The following CAST variants were observed in gnomAD, a reference collection of about 807,000 sequenced individuals.
The protein encoded by CAST is MIR583 host.
CAST carries 76 observed loss-of-function variants against 119.6 expected under a neutral mutation model. That is an observed-to-expected ratio of 0.64 (90% CI 0.53 to 0.77). The LOEUF is 0.77. CAST is among the 30% of genes least tolerant of loss of function. CAST has a pLI of 0.00. For missense variants in CAST, 953 were observed against 946.5 expected (o/e 1.01, Z -0.09); for synonymous variants, 319 against 331.6 (o/e 0.96, Z 0.41).
chr5:96,070,461 T>C, the CAST span, among the ~76,000 whole-genome samples: 1 of 152,164 alleles, frequency 6.6e-6, no homozygotes, highest in Non-Finnish European at 1.5e-5. Flanking sequence ...TATGAGAAAT[T>C]CTTCAAACAC....
intron 1 of CAST, among the ~76,000 whole-genome samples, chr5:96,632,223 G>A (rs1052762111): frequency 7.3e-5 from 11 of 151,574 alleles, no homozygotes; most frequent in Non-Finnish European, 1.2e-4. Flanking sequence ...AAGAGTTGTT[G>A]ATGTATTCTG....
At chr5:96,689,098 A>T (rs1181539175) in intron 2 of CAST, among the ~76,000 whole-genome samples, 1 of 152,198 alleles carries the variant, frequency 6.6e-6, no homozygotes, top group African/African-American at 2.4e-5. Flanking sequence ...GAGGGCAAGA[A>T]TACTGAAATA....
the CAST span, among the ~76,000 whole-genome samples, chr5:96,099,322 C>T: frequency 3.9e-5 from 6 of 152,278 alleles, no homozygotes; most frequent in Admixed American, 1.3e-4. Flanking sequence ...TAATTTCTTT[C>T]TCTTGCCTGA....
the CAST span, among the ~76,000 whole-genome samples, chr5:96,188,403 T>G: frequency 1.3e-5 from 2 of 152,188 alleles, no homozygotes; most frequent in African/African-American, 4.8e-5. Flanking sequence ...ATGATTTTCT[T>G]CTCTAAATGT....
chr5:96,275,645 A>G, the CAST span, among the ~76,000 whole-genome samples: 1 of 152,150 alleles, frequency 6.6e-6, no homozygotes, highest in African/African-American at 2.4e-5. Flanking sequence ...CAAGATATAG[A>G]GTTTATTTTG....
At chr5:96,662,340 TCTCCCTGGCAGGA>T, upstream of CAST, 1 of 236,758 alleles carries the variant, frequency 4.2e-6, no homozygotes, top group Non-Finnish European at 6.2e-6. Context: ...TCCCTCCCTC[TCTCCCTGGCAGGA>T]CTCCCCGCCA....
the CAST span, among the ~76,000 whole-genome samples, chr5:96,128,139 C>A: frequency 6.6e-6 from 1 of 152,094 alleles, no homozygotes; most frequent in East Asian, 1.9e-4. Context: ...TGGATAACTT[C>A]TCAGTCTTGA....
At chr5:96,748,482 G>T (rs1010191708) in intron 18 of CAST, 36 bp from the exon 19 acceptor site, 5 of 992,354 alleles carry the variant, frequency 5.0e-6, no homozygotes, top group Non-Finnish European at 7.6e-6. Context: ...ATAAAAAAGA[G>T]TCCCCTTGTA....
chr5:96,536,784 A>T (rs1367090436), intron 1 of CAST, among the ~76,000 whole-genome samples: 1 of 152,210 alleles, frequency 6.6e-6, no homozygotes, highest in Non-Finnish European at 1.5e-5. Context: ...CAAATAATTG[A>T]GTAGGTAATG....
the CAST span, among the ~76,000 whole-genome samples, chr5:96,401,218 C>G: frequency 6.6e-6 from 1 of 151,826 alleles, no homozygotes; most frequent in East Asian, 1.9e-4. Context: ...GAAAGAATTT[C>G]CATGGAATAG....
the CAST span, among the ~76,000 whole-genome samples, chr5:96,421,225 G>T: frequency 6.6e-6 from 1 of 152,298 alleles, no homozygotes; most frequent in South Asian, 2.1e-4. Flanking sequence ...GTGGCTCTTG[G>T]CCTCTCTCAC....
chr5:96,516,150 T>C, the CAST span, among the ~76,000 whole-genome samples: 16 of 151,610 alleles, frequency 1.1e-4, no homozygotes, highest in Non-Finnish European at 2.4e-4. Flanking sequence ...TCTCCTTAGA[T>C]GGTGGCCATG....
intron 1 of CAST, among the ~76,000 whole-genome samples, chr5:96,609,174 A>T (rs1747315805): frequency 6.6e-6 from 1 of 152,212 alleles, no homozygotes; most frequent in Non-Finnish European, 1.5e-5. Flanking sequence ...TTCCTTTAAA[A>T]ACCTTTACCT....
intron 1 of CAST, among the ~76,000 whole-genome samples, chr5:96,599,416 T>G (rs1286198802): frequency 6.6e-6 from 1 of 152,228 alleles, no homozygotes. Flanking sequence ...AAGTGGAATA[T>G]AAATGTATCT....
At chr5:96,505,605 A>G in the CAST span, among the ~76,000 whole-genome samples, 1 of 152,258 alleles carries the variant, frequency 6.6e-6, no homozygotes, top group East Asian at 1.9e-4. Context: ...AAGGAAAGGC[A>G]TAGAATCACC....
chr5:96,467,856 C>T, the CAST span, among the ~76,000 whole-genome samples: 1 of 152,052 alleles, frequency 6.6e-6, no homozygotes, highest in Non-Finnish European at 1.5e-5. Context: ...AGTAGATCTA[C>T]TGTTCGATCC....
At chr5:96,382,660 C>T in the CAST span, among the ~76,000 whole-genome samples, 5 of 152,184 alleles carry the variant, frequency 3.3e-5, no homozygotes, top group Non-Finnish European at 7.3e-5. Flanking sequence ...TATGCTATTT[C>T]TGGCCTCTAT....
At chr5:96,437,510 T>G in the CAST span, among the ~76,000 whole-genome samples, 2 of 152,224 alleles carry the variant, frequency 1.3e-5, no homozygotes, top group African/African-American at 4.8e-5. Flanking sequence ...CGTATTAAAC[T>G]CTCAGTGCAT....
chr5:96,617,690 G>A (rs1293573607), intron 1 of CAST, among the ~76,000 whole-genome samples: 1 of 149,928 alleles, frequency 6.7e-6, no homozygotes, highest in Non-Finnish European at 1.5e-5. Context: ...TACTCGAGAG[G>A]CTGAGGCAGG....
Sources: gnomAD v4.1 joint callset for allele counts (sites outside exome capture counted in the v4.1 genomes callset) on GRCh38, gnomAD v4.1.1 for gene constraint, MANE v1.5 for transcripts, NCBI Gene and HGNC (gene_info 2026-07-23, HGNC 2026-07-21) for gene names.